Variants in CSMD1 observed in about 807,000 individuals in gnomAD.
The protein encoded by CSMD1 is CUB and sushi domain-containing protein 1.
Under a neutral mutation model 417.5 loss-of-function variants are expected in CSMD1, and 213 were observed. That is an observed-to-expected ratio of 0.51 (90% CI 0.46 to 0.57). CSMD1 has a LOEUF of 0.57. CSMD1 is among the 20% of genes least tolerant of loss of function. The probability of loss-of-function intolerance (pLI) is 0.00; values close to 1 mark genes in which losing one functional copy is unlikely to be tolerated. For synonymous variants in CSMD1, 2,862 were observed against 1,736.8 expected, an observed-to-expected ratio of 1.65 and a Z score of -16.11; for missense variants, 6,923 against 4,529.7, an observed-to-expected ratio of 1.53 and a Z score of -15.17.
At chr8:4,573,843 G>C (rs935027833) in intron 2 of CSMD1, among the ~76,000 whole-genome samples, 5 of 152,202 alleles carry the variant, frequency 3.3e-5, no homozygotes, top group Admixed American at 2.6e-4. Context: ...ATCTAGAGAA[G>C]CAGTCTGGCT....
intron 4 of CSMD1, among the ~76,000 whole-genome samples, chr8:4,011,973 T>G (rs193121182): frequency 6.6e-6 from 1 of 152,030 alleles, no homozygotes; most frequent in East Asian, 1.9e-4. Context: ...ATACCAAATA[T>G]AAATGTCACA....
rs138017462 is a variant in CSMD1, at chr8:3,535,673, A to G, written c.1344+39272T>C. ...GTCTTAACCACTACAAAATCTATGCATGTAACAAAATTGCACTTGTACCCC... is the reference window on the plus strand; with the variant it reads ...GTCTTAACCACTACAAAATCTATGCGTGTAACAAAATTGCACTTGTACCCC... On this transcript the variant is annotated intron_variant, in intron 10 of 69. Coordinates refer to ENST00000635120, the MANE Select transcript of CSMD1 (RefSeq NM_033225.6). Among the ~76,000 whole-genome samples, 3 of 152,232 alleles carry G rather than the reference A, an allele frequency of 2.0e-5. No homozygotes were observed. The East Asian group carries it at 5.8e-4, about 29-fold the overall frequency.
At chr8:4,035,705 G>T (rs983960214) in intron 3 of CSMD1, among the ~76,000 whole-genome samples, 1 of 152,160 alleles carries the variant, frequency 6.6e-6, no homozygotes, top group African/African-American at 2.4e-5. Context: ...TATGTTTTCA[G>T]TTAAATATTA....
At chr8:3,348,793 C>G (rs1808189161) in intron 21 of CSMD1, among the ~76,000 whole-genome samples, 2 of 152,156 alleles carry the variant, frequency 1.3e-5, no homozygotes, top group South Asian at 4.1e-4. Context: ...AAATTTGTAT[C>G]AAACAAAATT....
intron 3 of CSMD1, among the ~76,000 whole-genome samples, chr8:4,061,850 T>C (rs1482769664): frequency 6.6e-6 from 1 of 152,216 alleles, no homozygotes; most frequent in East Asian, 1.9e-4. Flanking sequence ...ACTGTATAGA[T>C]GTAGGTCAGT....
intron 1 of CSMD1, among the ~76,000 whole-genome samples, chr8:4,814,285 G>A (rs1384690715): frequency 2.0e-5 from 3 of 152,124 alleles, no homozygotes; most frequent in Admixed American, 1.3e-4. Context: ...CGCTCTTAAT[G>A]GCCAGGCTGG....
chr8:4,771,578 T>G (rs1796598976), intron 1 of CSMD1, among the ~76,000 whole-genome samples: 1 of 152,186 alleles, frequency 6.6e-6, no homozygotes, highest in African/African-American at 2.4e-5. Flanking sequence ...TGAAAAGAAA[T>G]GGGATGTTGA....
chr8:3,172,544 T>C (rs1422203746), intron 37 of CSMD1, among the ~76,000 whole-genome samples: 1 of 152,172 alleles, frequency 6.6e-6, no homozygotes, highest in East Asian at 1.9e-4. Flanking sequence ...CACATTGATC[T>C]TGTTGTCTGG....
intron 5 of CSMD1, among the ~76,000 whole-genome samples, chr8:3,825,981 G>C (rs1164537907): frequency 1.3e-5 from 2 of 152,176 alleles, no homozygotes; most frequent in Non-Finnish European, 1.5e-5. Flanking sequence ...GCTTTCAGCA[G>C]GATCGTATTC....
chr8:3,529,628 A>G (rs548400378), intron 10 of CSMD1, among the ~76,000 whole-genome samples: 7 of 152,362 alleles, frequency 4.6e-5, no homozygotes, highest in African/African-American at 1.7e-4. Context: ...TGATTTGTCA[A>G]AAGTATAGTG....
At chr8:4,021,102 C>T (rs1796767050) in intron 4 of CSMD1, among the ~76,000 whole-genome samples, 1 of 152,182 alleles carries the variant, frequency 6.6e-6, no homozygotes, top group South Asian at 2.1e-4. Flanking sequence ...GAGGATACAA[C>T]AAGTTTAAAG....
At chr8:3,913,303 G>A (rs781447523) in intron 5 of CSMD1, among the ~76,000 whole-genome samples, 2 of 152,064 alleles carry the variant, frequency 1.3e-5, no homozygotes, top group Non-Finnish European at 2.9e-5. Context: ...ATCCTGTGAG[G>A]ACCATCGACC....
At chr8:3,262,323 T>C (rs7821543) in intron 26 of CSMD1, among the ~76,000 whole-genome samples, 107,967 of 148,184 alleles carry the variant, frequency 0.73, 39,800 homozygotes, top group Non-Finnish European at 0.79. Flanking sequence ...ACCTTTGTGA[T>C]AGAAGGCAAT....
chr8:3,384,301 T>G (rs371550996), intron 18 of CSMD1, among the ~76,000 whole-genome samples: 3 of 152,172 alleles, frequency 2.0e-5, no homozygotes, highest in East Asian at 3.8e-4. Flanking sequence ...TTATTTCATG[T>G]ACATTTTTAA....
chr8:4,796,796 A>C (rs181209087), intron 1 of CSMD1, among the ~76,000 whole-genome samples: 6 of 152,256 alleles, frequency 3.9e-5, no homozygotes, highest in African/African-American at 1.4e-4. Flanking sequence ...ACGGTGAGTA[A>C]ATTCCCCTTT....
chr8:3,537,025 G>A (rs1798231215), intron 10 of CSMD1, among the ~76,000 whole-genome samples: 1 of 151,836 alleles, frequency 6.6e-6, no homozygotes, highest in African/African-American at 2.4e-5. Context: ...TTTTTTTTGA[G>A]ATGGAGTCTT....
intron 25 of CSMD1, among the ~76,000 whole-genome samples, chr8:3,302,412 G>A (rs188633852): frequency 9.9e-5 from 15 of 152,142 alleles, no homozygotes; most frequent in East Asian, 3.9e-4. Flanking sequence ...AGGTCTCTCC[G>A]CACAGCAGTG....
chr8:3,167,730 C>G (rs888823003), intron 37 of CSMD1, among the ~76,000 whole-genome samples: 2 of 152,160 alleles, frequency 1.3e-5, no homozygotes, highest in Non-Finnish European at 2.9e-5. Flanking sequence ...CCTAATTTGA[C>G]CAAAAACACT....
At chr8:4,326,316 T>G (rs1799560925) in intron 3 of CSMD1, among the ~76,000 whole-genome samples, 1 of 152,134 alleles carries the variant, frequency 6.6e-6, no homozygotes, top group African/African-American at 2.4e-5. Flanking sequence ...ATAAGTCCTT[T>G]GAAAATACAG....
Sources: allele counts gnomAD v4.1 joint callset (sites outside exome capture counted in the v4.1 genomes callset), GRCh38; gene constraint gnomAD v4.1.1; transcripts MANE v1.5; gene names NCBI Gene and HGNC (gene_info 2026-07-23, HGNC 2026-07-21).